ACLY: variants seen among roughly 807,000 people sequenced by gnomAD.
ACLY encodes the protein ATP-citrate synthase.
A neutral mutation model predicts 133.0 loss-of-function variants in ACLY; 41 were observed. That is an observed-to-expected ratio of 0.31 (90% CI 0.24 to 0.40). The LOEUF (loss-of-function observed/expected upper bound fraction) is 0.40. Among genes scored for constraint, ACLY ranks in the 10% least tolerant of loss-of-function variants. The pLI is 1.00. For synonymous variants in ACLY, 495 were observed against 549.3 expected (o/e 0.90, Z 1.38); for missense variants, 1,046 against 1,453.8 (o/e 0.72, Z 4.56).
At chr17:41,906,438 A>G in intron 8 of ACLY, 90 bp downstream of exon 8, 1 of 1,170,120 alleles carries the variant, frequency 8.5e-7, no homozygotes, top group African/African-American at 1.5e-5. Context: ...TTCCCACACC[A>G]AAGTGACAGG....
At chr17:41,897,249 T>C (rs2049395006) in intron 13 of ACLY, among the ~76,000 whole-genome samples, 2 of 151,918 alleles carry the variant, frequency 1.3e-5, no homozygotes, top group African/African-American at 2.4e-5. Context: ...GAAAAATTAG[T>C]TGAAATACAG....
chr17:41,868,938 T>C, intron 27 of ACLY, 105 bp downstream of exon 27: 4 of 1,359,556 alleles, frequency 2.9e-6, no homozygotes, highest in Non-Finnish European at 4.1e-6. Context: ...ATACCTCTCC[T>C]TATTTTTCAA....
chr17:41,903,755 C>CA (rs10615655), intron 10 of ACLY, among the ~76,000 whole-genome samples: 5 of 48,692 alleles, frequency 1.0e-4, no homozygotes, highest in African/African-American at 3.8e-4. Flanking sequence ...GACTCTGTCT[C>CA]AAAAAAAAAA....
intron 25 of ACLY, chr17:41,870,252 G>T (rs1305319716): frequency 6.6e-6 from 1 of 152,376 alleles, no homozygotes; most frequent in Non-Finnish European, 1.5e-5. Context: ...CTTAGAAAGA[G>T]GCTCTGTGCT....
At chr17:41,928,043 G>A (rs2050263901) in intron 1 of ACLY, among the ~76,000 whole-genome samples, 1 of 152,102 alleles carries the variant, frequency 6.6e-6, no homozygotes, top group Non-Finnish European at 1.5e-5. Context: ...GGAGGCTGAG[G>A]TGGGAGGGTG....
intron 1 of ACLY, among the ~76,000 whole-genome samples, chr17:41,924,426 C>A (rs1467130862): frequency 6.6e-6 from 1 of 151,584 alleles, no homozygotes; most frequent in Non-Finnish European, 1.5e-5. Context: ...GGATTACATG[C>A]GTGAGCCACC....
chr17:41,909,442 G>A (rs1598036837), intron 5 of ACLY, 68 bp downstream of exon 5: 1 of 1,542,044 alleles, frequency 6.5e-7, no homozygotes, highest in East Asian at 2.2e-5. Context: ...GCTCTCCCCA[G>A]TCTGTGCCCA....
intron 1 of ACLY, among the ~76,000 whole-genome samples, chr17:41,915,347 G>A (rs990006498): frequency 5.3e-5 from 8 of 152,174 alleles, no homozygotes; most frequent in Admixed American, 5.2e-4. Context: ...TTTGCTGGGG[G>A]AGAAAAAAGT....
chr17:41,886,551 C>T (rs888624573), intron 17 of ACLY, among the ~76,000 whole-genome samples: 23 of 152,154 alleles, frequency 1.5e-4, no homozygotes, highest in East Asian at 3.9e-4. Context: ...GGTTCAGATA[C>T]GTATACTTGG....
In ACLY at chr17:41,896,591, G is replaced by C. The variant is rs117619839; in HGVS notation, c.1459+29C>G. ...GTCACCCGCTAACAAAGCCACACGC[G>C]GAGTGGGGGCAGGGTGGGGGCATCC... On this transcript the variant is annotated intron_variant, in intron 14 of 28. Coordinates refer to ENST00000352035, the MANE Select transcript of ACLY (RefSeq NM_001096.3). The C allele has an allele frequency of 9.1e-5, 140 of 1,533,908 alleles. No homozygotes were observed. In the South Asian group the frequency reaches 1.7e-3, roughly 19 times the overall value.
intron 13 of ACLY, 92 bp downstream of exon 13, chr17:41,897,657 G>T: frequency 1.6e-6 from 2 of 1,259,310 alleles, no homozygotes; most frequent in South Asian, 1.4e-5. Flanking sequence ...ATCTGCCTCT[G>T]CCAGCCCAGG....
At chr17:41,887,127 GAAAAAAAAAAA>G (rs535668437) in intron 17 of ACLY, among the ~76,000 whole-genome samples, 103 of 110,388 alleles carry the variant, frequency 9.3e-4, no homozygotes, top group African/African-American at 3.8e-3. Context: ...CCGTCTCAAA[GAAAAAAAAAAA>G]AAAAAAAAAA....
chr17:41,872,139 C>CCA lies in ACLY; in HGVS notation c.2684_2685dup (p.Val896TrpfsTer2). Reference sequence around the variant, plus strand: ...ACGGCTGGCCCGTGATCAGCTGTCACCATCAGACACATCTCAATGAACTGG... The same window carrying CCA: ...ACGGCTGGCCCGTGATCAGCTGTCACCACATCAGACACATCTCAATGAACTGG... On this transcript the variant is annotated frameshift_variant, in exon 24 of 29. Transcript: ENST00000352035. LOFTEE classifies it high-confidence loss of function. 6.2e-7 allele frequency: 1 copy of CCA among 1,614,012 alleles called. No homozygotes were observed. The highest frequency in any genetic ancestry group is 2.2e-5 in the East Asian group (1 of 44,884).
upstream of ACLY, among the ~76,000 whole-genome samples, chr17:41,922,149 C>T (rs536661154): frequency 1.5e-4 from 23 of 152,138 alleles, no homozygotes; most frequent in African/African-American, 5.3e-4. Context: ...GAGGCCGAGG[C>T]GGGCGGATCA....
chr17:41,868,162 G>T lies in ACLY; in HGVS notation c.3212-258C>A, dbSNP rs148512817. Among the ~76,000 whole-genome samples, 135 of 152,124 alleles carry T rather than the reference G, an allele frequency of 8.9e-4. 1 individual carries two copies. The East Asian group carries it at 0.022, about 25-fold the overall frequency. On this transcript the variant is annotated intron_variant, in intron 28 of 28. Transcript: ENST00000352035. ...TAAAATAAATAATAAAAATAGGCCGGGCACGGTGGTTCACGCCTGTAATCC... is the reference window on the plus strand; with the variant it reads ...TAAAATAAATAATAAAAATAGGCCGTGCACGGTGGTTCACGCCTGTAATCC...
chr17:41,925,491 G>A (rs1208069799), intron 1 of ACLY, among the ~76,000 whole-genome samples: 1 of 150,664 alleles, frequency 6.6e-6, no homozygotes, highest in Non-Finnish European at 1.5e-5. Flanking sequence ...TGCACCTGTA[G>A]TTCCAGCTAC....
chr17:41,882,184 T>G (rs903778175), intron 20 of ACLY, among the ~76,000 whole-genome samples: 2 of 151,530 alleles, frequency 1.3e-5, no homozygotes, highest in African/African-American at 2.4e-5. Flanking sequence ...CTGACCAACA[T>G]GGTAAAACTC....
At chr17:41,907,654 G>A (rs1844708779) in intron 6 of ACLY, 82 bp from the exon 7 acceptor site, 16 of 1,509,992 alleles carry the variant, frequency 1.1e-5, no homozygotes, top group South Asian at 3.5e-5. Flanking sequence ...CACAAACACC[G>A]ATCCCATGGT....
At chr17:41,915,148 GATAAGAATTTCATC>G (rs2050018205) in intron 1 of ACLY, among the ~76,000 whole-genome samples, 1 of 152,136 alleles carries the variant, frequency 6.6e-6, no homozygotes, top group Admixed American at 6.5e-5. Context: ...AAGAGTCTAT[GATAAGAATTTCATC>G]ATCTCCCCTC....
Sources: gnomAD v4.1 joint callset for allele counts (sites outside exome capture counted in the v4.1 genomes callset) on GRCh38, gnomAD v4.1.1 for gene constraint, MANE v1.5 for transcripts, NCBI Gene and HGNC (gene_info 2026-07-23, HGNC 2026-07-21) for gene names.